UNC5D: variants seen among roughly 807,000 people sequenced by gnomAD.
UNC5D encodes the protein unc-5 netrin receptor D, also known as netrin receptor UNC5D.
UNC5D carries 39 observed loss-of-function variants against 105.4 expected under a neutral mutation model. The observed-to-expected ratio is 0.37, with a 90% CI of 0.29 to 0.48. UNC5D has a LOEUF of 0.48. Ranked by LOEUF, UNC5D falls within the 20% of genes least tolerant of loss-of-function variation. UNC5D has a pLI of 0.98. For synonymous variants in UNC5D, 452 were observed against 450.4 expected, an observed-to-expected ratio of 1.00 and a Z score of -0.04; for missense variants, 991 against 1,202.4, an observed-to-expected ratio of 0.82 and a Z score of 2.60.
At chr8:35,247,170 A>G (rs1803159552) in intron 1 of UNC5D, among the ~76,000 whole-genome samples, 1 of 152,046 alleles carries the variant, frequency 6.6e-6, no homozygotes, top group Admixed American at 6.6e-5. Flanking sequence ...CAAAAGAATG[A>G]TACCAGAAGA....
chr8:35,329,961 C>T (rs1375071986), intron 1 of UNC5D, among the ~76,000 whole-genome samples: 2 of 152,198 alleles, frequency 1.3e-5, no homozygotes, highest in Non-Finnish European at 2.9e-5. Context: ...CTGCTGAGTG[C>T]TTCAGTGGCA....
chr8:35,237,339 C>T (rs780344782), intron 1 of UNC5D, among the ~76,000 whole-genome samples: 1 of 151,988 alleles, frequency 6.6e-6, no homozygotes, highest in Non-Finnish European at 1.5e-5. Context: ...TAATTTACTA[C>T]GTACGGCAAA....
intron 16 of UNC5D, among the ~76,000 whole-genome samples, chr8:35,782,271 T>C (rs967260485): frequency 1.3e-5 from 2 of 152,204 alleles, no homozygotes; most frequent in Non-Finnish European, 2.9e-5. Flanking sequence ...TTTTCTCTTC[T>C]ATTTGCATTT....
chr8:35,724,535 G>A (rs910124778), intron 9 of UNC5D, among the ~76,000 whole-genome samples: 2 of 152,196 alleles, frequency 1.3e-5, no homozygotes, highest in Non-Finnish European at 2.9e-5. Flanking sequence ...TCAGACTTCA[G>A]TCAAGCTGGC....
At chr8:35,725,960 T>C (rs536451113) in intron 9 of UNC5D, among the ~76,000 whole-genome samples, 192 bp from the exon 10 acceptor site, 1 of 152,302 alleles carries the variant, frequency 6.6e-6, no homozygotes. Context: ...GAATGGACGG[T>C]GGAAGCCAGG....
intron 1 of UNC5D, among the ~76,000 whole-genome samples, chr8:35,432,995 A>G (rs943154335): frequency 6.6e-6 from 1 of 152,224 alleles, no homozygotes; most frequent in Non-Finnish European, 1.5e-5. Context: ...GTGAGAGACC[A>G]TGTCGTAAAC....
intron 1 of UNC5D, among the ~76,000 whole-genome samples, chr8:35,325,819 C>T (rs577552883): frequency 1.3e-5 from 2 of 152,174 alleles, no homozygotes; most frequent in South Asian, 4.1e-4. Flanking sequence ...GTCCGTTGTG[C>T]TAGGTACTAA....
chr8:35,256,959 GTTTTTTTTTTTT>G (rs71541893), intron 1 of UNC5D, among the ~76,000 whole-genome samples: 6 of 102,522 alleles, frequency 5.9e-5, no homozygotes, highest in Admixed American at 1.0e-4. Context: ...CTCTTTTTTT[GTTTTTTTTTTTT>G]TTTTGTTTTT....
At chr8:35,239,478 G>A (rs769496434) in intron 1 of UNC5D, among the ~76,000 whole-genome samples, 3 of 144,084 alleles carry the variant, frequency 2.1e-5, no homozygotes, top group Non-Finnish European at 3.0e-5. Context: ...CTGCATGTTT[G>A]ATATCCTTCC....
chr8:35,444,427 G>A (rs1012900864), intron 1 of UNC5D, among the ~76,000 whole-genome samples: 4 of 151,978 alleles, frequency 2.6e-5, no homozygotes, highest in African/African-American at 9.7e-5. Flanking sequence ...CTTTATGGAA[G>A]GGCCTGATTA....
chr8:35,713,478 C>T (rs1399392887), intron 8 of UNC5D, among the ~76,000 whole-genome samples: 1 of 152,130 alleles, frequency 6.6e-6, no homozygotes, highest in Non-Finnish European at 1.5e-5. Context: ...TCAAAGATGA[C>T]CCTCCAATTA....
At chr8:35,678,683 AC>A (rs1245720999) in intron 4 of UNC5D, among the ~76,000 whole-genome samples, 1 of 152,078 alleles carries the variant, frequency 6.6e-6, no homozygotes, top group Non-Finnish European at 1.5e-5. Context: ...TTATGTTTTT[AC>A]TAGTTGAAAC....
intron 7 of UNC5D, among the ~76,000 whole-genome samples, chr8:35,702,658 A>G (rs1827288853): frequency 6.6e-6 from 1 of 152,196 alleles, no homozygotes; most frequent in Non-Finnish European, 1.5e-5. Context: ...AAGTCAGTGA[A>G]GTCAGTGGGT....
At chr8:35,295,321 C>A (rs1443523554) in intron 1 of UNC5D, among the ~76,000 whole-genome samples, 2 of 152,018 alleles carry the variant, frequency 1.3e-5, no homozygotes, top group Non-Finnish European at 2.9e-5. Flanking sequence ...TTAATGACAT[C>A]TTTTTCTTAA....
chr8:35,700,357 A>C (rs1298210162), intron 7 of UNC5D, among the ~76,000 whole-genome samples: 2 of 152,166 alleles, frequency 1.3e-5, no homozygotes, highest in Non-Finnish European at 2.9e-5. Flanking sequence ...GTGTCACACA[A>C]ATAAGCATTT....
chr8:35,622,837 T>TAC (rs1387836381), intron 4 of UNC5D, among the ~76,000 whole-genome samples: 1 of 152,192 alleles, frequency 6.6e-6, no homozygotes, highest in African/African-American at 2.4e-5. Context: ...GGTCAAACTG[T>TAC]TTACCTATCC....
At chr8:35,335,207 C>T (rs1810934217) in intron 1 of UNC5D, among the ~76,000 whole-genome samples, 2 of 152,076 alleles carry the variant, frequency 1.3e-5, no homozygotes, top group Non-Finnish European at 2.9e-5. Flanking sequence ...GGATTGTTTC[C>T]ACCTTTCTGA....
At chr8:35,771,057 T>A (rs1441057975) in intron 15 of UNC5D, among the ~76,000 whole-genome samples, 1 of 152,220 alleles carries the variant, frequency 6.6e-6, no homozygotes, top group Non-Finnish European at 1.5e-5. Flanking sequence ...AGTGTCATCC[T>A]TATGCCTGGA....
At chr8:35,628,941 C>G (rs995844210) in intron 4 of UNC5D, among the ~76,000 whole-genome samples, 4 of 152,122 alleles carry the variant, frequency 2.6e-5, no homozygotes, top group African/African-American at 9.7e-5. Flanking sequence ...TACAGATGAG[C>G]AAAATCAATC....
Sources: gnomAD v4.1 joint callset for allele counts (sites outside exome capture counted in the v4.1 genomes callset) on GRCh38, gnomAD v4.1.1 for gene constraint, MANE v1.5 for transcripts, NCBI Gene and HGNC (gene_info 2026-07-23, HGNC 2026-07-21) for gene names.